CCDC57: variants seen among roughly 807,000 people sequenced by gnomAD.
The protein encoded by CCDC57 is coiled-coil domain containing 57.
In CCDC57, 118 loss-of-function variants were observed where a neutral mutation model predicts 118.9. The observed-to-expected ratio is 0.99, with a 90% CI of 0.86 to 1.16. The LOEUF is 1.16. Among genes scored for constraint, CCDC57 ranks in the 50% most tolerant of loss-of-function variants. The pLI is 0.00. For missense variants in CCDC57, 1,300 were observed against 1,320.7 expected (o/e 0.98, Z 0.24); for synonymous variants, 527 against 532.9 (o/e 0.99, Z 0.15).
At chr17:82,124,556 C>T (rs1300276513) in intron 19 of CCDC57, among the ~76,000 whole-genome samples, 5 of 152,074 alleles carry the variant, frequency 3.3e-5, no homozygotes, top group Non-Finnish European at 5.9e-5. Context: ...ACTTTGAGAG[C>T]GTAAGGTGGG....
chr17:82,194,179 T>G (rs2048019632), intron 5 of CCDC57, 40 bp from the exon 5 acceptor site: 1 of 1,589,590 alleles, frequency 6.3e-7, no homozygotes, highest in African/African-American at 1.3e-5. Flanking sequence ...AGGTGATAAT[T>G]AGAAGACACT....
At chr17:82,152,272 G>A (rs1242525226) in intron 15 of CCDC57, 5 of 160,392 alleles carry the variant, frequency 3.1e-5, no homozygotes, top group East Asian at 1.8e-4. Context: ...TCCCGCCAGC[G>A]TGGCTTGGCC....
chr17:82,162,040 C>G (rs1196120648), intron 14 of CCDC57, among the ~76,000 whole-genome samples: 1 of 152,036 alleles, frequency 6.6e-6, no homozygotes, highest in African/African-American at 2.4e-5. Flanking sequence ...GCTCCTGTTG[C>G]CCAAGCTAGA....
chr17:82,202,877 C>T (rs189977454), intron 2 of CCDC57, among the ~76,000 whole-genome samples: 3 of 152,322 alleles, frequency 2.0e-5, no homozygotes, highest in Non-Finnish European at 4.4e-5. Context: ...GCACTCTGTC[C>T]ATTTCACAGC....
chr17:82,203,264 A>G (rs574984939), intron 2 of CCDC57, among the ~76,000 whole-genome samples: 4 of 152,278 alleles, frequency 2.6e-5, no homozygotes, highest in African/African-American at 9.6e-5. Flanking sequence ...GCCATGAGTA[A>G]AAGTTTCCTG....
At chr17:82,185,765 C>T (rs1179547613) in intron 8 of CCDC57, among the ~76,000 whole-genome samples, 1 of 151,946 alleles carries the variant, frequency 6.6e-6, no homozygotes, top group Non-Finnish European at 1.5e-5. Flanking sequence ...CCTATAATCC[C>T]AGCACTTTGG....
chr17:82,175,946 AT>A (rs947427581), intron 11 of CCDC57, among the ~76,000 whole-genome samples: 12 of 152,234 alleles, frequency 7.9e-5, no homozygotes, highest in African/African-American at 2.9e-4. Context: ...GTCTGGGAGC[AT>A]CCCCTCCAGA....
chr17:82,179,974 G>T (rs2045999280), intron 9 of CCDC57, among the ~76,000 whole-genome samples: 1 of 152,256 alleles, frequency 6.6e-6, no homozygotes, highest in African/African-American at 2.4e-5. Context: ...TCCAGGCTGT[G>T]GGTGATCCTG....
intron 16 of CCDC57, among the ~76,000 whole-genome samples, chr17:82,151,235 A>C (rs58451648): frequency 0.27 from 16,441 of 60,236 alleles, 5,552 homozygotes; most frequent in East Asian, 0.81. Context: ...AGAACCTGGC[A>C]CACACCCAGA....
chr17:82,131,992 C>T (rs1356260897), intron 17 of CCDC57, among the ~76,000 whole-genome samples: 1 of 151,710 alleles, frequency 6.6e-6, no homozygotes, highest in Non-Finnish European at 1.5e-5. Context: ...CTGGCGGGCG[C>T]CTGTAATCCT....
exon 8 of CCDC57, chr17:82,188,356 G>T: frequency 6.2e-7 from 1 of 1,611,076 alleles, no homozygotes. Context: ...GCTCCACGTG[G>T]GCTCCCTTCA....
At chr17:82,208,519 T>A (rs920805195) in intron 1 of CCDC57, among the ~76,000 whole-genome samples, 9 of 151,964 alleles carry the variant, frequency 5.9e-5, no homozygotes, top group Non-Finnish European at 1.3e-4. Flanking sequence ...CCTCCCGAAG[T>A]GCTGGGATTA....
In CCDC57 at chr17:82,189,541, G is replaced by A. The variant is rs899852795; in HGVS notation, c.852-1122C>T. Among the ~76,000 whole-genome samples, 14 of 152,196 alleles carry A rather than the reference G, an allele frequency of 9.2e-5. No individual in the cohort carries two copies. The East Asian group carries it at 1.9e-3, about 21-fold the overall frequency. On this transcript the variant is annotated intron_variant, in intron 7 of 19. Transcript: ENST00000665763. ...GTTGGAGAAGCTCATTCAATTATGAGCTGATGGATGATTTAAAATTATTCC... is the reference window on the plus strand; with the variant it reads ...GTTGGAGAAGCTCATTCAATTATGAACTGATGGATGATTTAAAATTATTCC...
chr17:82,120,149 G>A (rs1454596617), intron 19 of CCDC57, among the ~76,000 whole-genome samples: 3 of 150,884 alleles, frequency 2.0e-5, no homozygotes. Context: ...AACTATTTCA[G>A]TATCATTTCA....
chr17:82,159,275 A>C (rs2146001678), intron 14 of CCDC57, among the ~76,000 whole-genome samples: 1 of 152,324 alleles, frequency 6.6e-6, no homozygotes, highest in Non-Finnish European at 1.5e-5. Flanking sequence ...TTGAGATTAC[A>C]GGTGTGTACC....
intron 16 of CCDC57, among the ~76,000 whole-genome samples, chr17:82,137,315 C>G (rs11077973): frequency 6.6e-6 from 1 of 151,818 alleles, no homozygotes; most frequent in Non-Finnish European, 1.5e-5. Flanking sequence ...GCCACTGCAC[C>G]CAGCCTTCCT....
At position 82,101,645 on chromosome 17, in the gene CCDC57, C is replaced by T. The variant is rs373655790; in HGVS notation, c.*37G>A. 8.5e-6 allele frequency: 13 copies of T among 1,536,762 alleles called. No individual in the cohort carries two copies. The East Asian group carries it at 9.1e-5, about 11-fold the overall frequency. Reference sequence around the variant, plus strand: ...AAGCACAGGCACCATGCGGAGGCCCCGAGCACCCCTTAGTGGGGCGGGGTG... The same window carrying T: ...AAGCACAGGCACCATGCGGAGGCCCTGAGCACCCCTTAGTGGGGCGGGGTG... On this transcript the variant is annotated 3_prime_UTR_variant, in exon 20 of 20. Transcript: ENST00000665763.
exon 19 of CCDC57, chr17:82,127,797 G>A: frequency 1.2e-6 from 2 of 1,613,042 alleles, no homozygotes; most frequent in Middle Eastern, 1.7e-4. Flanking sequence ...GAGGAGCTGT[G>A]GGATTGGCGA....
chr17:82,101,633 A>G (rs749124885), exon 20 of CCDC57: 2 of 1,450,358 alleles, frequency 1.4e-6, no homozygotes, highest in Non-Finnish European at 9.5e-7. Context: ...CACAGGCACC[A>G]TGCGGAGGCC....
Sources: allele counts gnomAD v4.1 joint callset (sites outside exome capture counted in the v4.1 genomes callset), GRCh38; gene constraint gnomAD v4.1.1; transcripts MANE v1.5; gene names NCBI Gene and HGNC (gene_info 2026-07-23, HGNC 2026-07-21).